The following OGDH variants were observed in gnomAD, a reference collection of about 807,000 sequenced individuals.
The protein encoded by OGDH is oxoglutarate dehydrogenase.
A neutral mutation model predicts 116.6 loss-of-function variants in OGDH; 38 were observed. The observed-to-expected ratio is 0.33, with a 90% CI of 0.25 to 0.43. The LOEUF (loss-of-function observed/expected upper bound fraction) is 0.43. Ranked by LOEUF, OGDH falls within the 20% of genes least tolerant of loss-of-function variation. The probability of loss-of-function intolerance (pLI) is 1.00; values close to 1 mark genes in which losing one functional copy is unlikely to be tolerated. For missense variants in OGDH, 825 were observed against 1,357.2 expected (o/e 0.61, Z 6.16); for synonymous variants, 488 against 533.3 (o/e 0.92, Z 1.17).
intron 1 of OGDH, among the ~76,000 whole-genome samples, chr7:44,614,533 G>A (rs1784695799): frequency 6.6e-6 from 1 of 151,910 alleles, no homozygotes; most frequent in Non-Finnish European, 1.5e-5. Context: ...CTGAGGCCTT[G>A]TTCTGTCTTC....
At position 44,697,650 on chromosome 7, in the gene OGDH, C is replaced by T. The variant is rs1235589142; in HGVS notation, c.2226C>T (p.Leu742=). The change falls in exon 17 of 23, where the codon CTC becomes CTT. Residue 742 remains leucine (L), a synonymous_variant. Transcript: ENST00000222673. This position sits in a 1 kb window ranked among gnomAD's most constrained non-coding sequence, Gnocchi z 6.0. The part of the protein sequence containing the change: ...FAMASPNALV[L]WEAQFGDFHN... ...TGGCCAGTCCTAATGCCCTGGTCCT[C>T]TGGGAAGCCCAATTTGGTGACTTCC... The T allele has an allele frequency of 1.9e-6, 3 of 1,614,156 alleles. No homozygotes were observed. Among genetic ancestry groups the T allele is most frequent in the East Asian group, 4.5e-5 (2 of 44,900 alleles).
rs920245035 is a variant in OGDH at position 44,674,042 on chromosome 7, AG to A, written c.788+106del. ...TGTGCAGCCTGTTGGCCGAGGTGAG[AG>A]GGGGTTTGGGGTGGTACAGGCAAAG... On this transcript the variant is annotated intron_variant, in intron 6 of 22. Transcript: ENST00000222673. 3 of 1,407,572 alleles carry A rather than the reference AG, an allele frequency of 2.1e-6. No homozygotes were observed. The African/African-American group carries it at 4.3e-5, about 20-fold the overall frequency. 87.2% of individuals were successfully genotyped at this position (1,407,572 alleles called of 1,614,324 possible). A position where few individuals can be genotyped will look rare whatever the true frequency, so the allele number is the denominator to read the frequency against.
intron 10 of OGDH, among the ~76,000 whole-genome samples, chr7:44,686,121 C>G (rs563673340): frequency 6.7e-6 from 1 of 150,120 alleles, no homozygotes; most frequent in South Asian, 2.1e-4. Context: ...TCCTTCCTTT[C>G]CAATCCACAT....
chr7:44,619,871 A>C (rs541173210), intron 1 of OGDH, among the ~76,000 whole-genome samples: 4 of 152,034 alleles, frequency 2.6e-5, no homozygotes, highest in Admixed American at 2.0e-4. Flanking sequence ...CAAATCCTTT[A>C]CCTATTTTTT....
intron 9 of OGDH, among the ~76,000 whole-genome samples, chr7:44,678,815 C>G (rs1787807335): frequency 6.6e-6 from 1 of 152,206 alleles, no homozygotes; most frequent in Non-Finnish European, 1.5e-5. Context: ...TCCAGAAACT[C>G]AGGGAGCTGG....
intron 2 of OGDH, among the ~76,000 whole-genome samples, chr7:44,631,185 A>G (rs1260029303): frequency 6.6e-6 from 1 of 152,224 alleles, no homozygotes; most frequent in Non-Finnish European, 1.5e-5. Context: ...GTTTGGTTGA[A>G]TCCATGGATG....
rs539113250 is a variant in OGDH at position 44,694,326 on chromosome 7, G to A, written c.1516-98G>A. ...AGGGCAGGCATGAGGAATGAAGAAC[G>A]TGGCCATCACCTAGGAGAGATGGGG... On this transcript the variant is annotated intron_variant, in intron 11 of 22. Coordinates refer to ENST00000222673, the MANE Select transcript of OGDH (RefSeq NM_002541.4). This position sits in a 1 kb window ranked among gnomAD's most constrained non-coding sequence, Gnocchi z 4.2. The A allele has an allele frequency of 5.0e-5, 72 of 1,429,348 alleles. No individual in the cohort carries two copies. In the East Asian group the frequency reaches 1.4e-3, roughly 28 times the overall value. 88.5% of individuals were successfully genotyped at this position (1,429,348 alleles called of 1,614,324 possible).
At chr7:44,696,610 A>G in intron 14 of OGDH, 53 bp downstream of exon 14, 1 of 1,608,772 alleles carries the variant, frequency 6.2e-7, no homozygotes, top group Non-Finnish European at 8.5e-7. Context: ...GCCAGGGGCG[A>G]CGACTGTCTA....
chr7:44,669,256 A>G (rs544716775), intron 5 of OGDH, among the ~76,000 whole-genome samples: 4 of 149,706 alleles, frequency 2.7e-5, no homozygotes, highest in South Asian at 4.2e-4. Context: ...GGATTAACCA[A>G]TCCCCCTACT....
intron 2 of OGDH, among the ~76,000 whole-genome samples, chr7:44,630,463 A>G (rs1785390643): frequency 6.6e-6 from 1 of 152,234 alleles, no homozygotes; most frequent in South Asian, 2.1e-4. Flanking sequence ...ATAATTCACA[A>G]GGCACTTTAG....
intron 4 of OGDH, among the ~76,000 whole-genome samples, chr7:44,656,905 A>G (rs1786715510): frequency 1.3e-5 from 2 of 152,248 alleles, no homozygotes; most frequent in Non-Finnish European, 2.9e-5. Flanking sequence ...TGAGGAATCC[A>G]GAGTCGAAAT....
intron 5 of OGDH, among the ~76,000 whole-genome samples, chr7:44,672,577 C>T (rs753917417): frequency 2.6e-5 from 4 of 151,448 alleles, no homozygotes; most frequent in East Asian, 1.9e-4. Context: ...CTGTGCAGGT[C>T]GAGTTTTGGG....
At chr7:44,607,386 C>T (rs1784395126) in intron 1 of OGDH, among the ~76,000 whole-genome samples, 1 of 152,168 alleles carries the variant, frequency 6.6e-6, no homozygotes, top group African/African-American at 2.4e-5. Context: ...GCCGCGCCCT[C>T]GCCCTGACCT....
Position 44,697,127 on chromosome 7 carries a change from G to A in OGDH, c.2051+63G>A. On this transcript the variant is annotated intron_variant, in intron 15 of 22. Coordinates refer to ENST00000222673, the MANE Select transcript of OGDH (RefSeq NM_002541.4). This position sits in a 1 kb window ranked among gnomAD's most constrained non-coding sequence, Gnocchi z 6.0. ...TAGAAGATGGAAAGGGAGGGGTTCT[G>A]GTGTTTCTTTTCCGGAAGACGGTTA... 6.4e-7 allele frequency: 1 copy of A among 1,572,520 alleles called. No individual in the cohort carries two copies. Among genetic ancestry groups the A allele is most frequent in the Non-Finnish European group, 8.7e-7 (1 of 1,153,894 alleles).
intron 4 of OGDH, among the ~76,000 whole-genome samples, chr7:44,654,454 C>T (rs80013941): frequency 0.042 from 6,400 of 152,208 alleles, 173 homozygotes; most frequent in East Asian, 0.088. Flanking sequence ...CAGGGCTCTC[C>T]GGTTTGTTCC....
chr7:44,652,730 C>T (rs575642807), intron 4 of OGDH, among the ~76,000 whole-genome samples: 4 of 152,182 alleles, frequency 2.6e-5, no homozygotes, highest in Admixed American at 2.0e-4. Flanking sequence ...TTTCTCTTCA[C>T]TCACATTCCA....
intron 1 of OGDH, among the ~76,000 whole-genome samples, chr7:44,616,655 A>ATATATACG (rs1265088274): frequency 6.7e-6 from 1 of 148,558 alleles, no homozygotes; most frequent in African/African-American, 2.5e-5. Flanking sequence ...ATATACACAT[A>ATATATACG]TATATACGTA....
At chr7:44,683,505 G>A (rs1206512422) in intron 10 of OGDH, among the ~76,000 whole-genome samples, 1 of 152,128 alleles carries the variant, frequency 6.6e-6, no homozygotes, top group Non-Finnish European at 1.5e-5. Flanking sequence ...CACTGGGATT[G>A]TAGGTGTGAT....
chr7:44,684,916 T>C (rs1256938966), intron 10 of OGDH, among the ~76,000 whole-genome samples: 1 of 152,028 alleles, frequency 6.6e-6, no homozygotes, highest in Non-Finnish European at 1.5e-5. Flanking sequence ...GTCTCCCAAG[T>C]AGCTGGGATT....
Sources: allele counts gnomAD v4.1 joint callset (sites outside exome capture counted in the v4.1 genomes callset), GRCh38; gene constraint gnomAD v4.1.1; non-coding constraint Gnocchi (gnomAD v3.1); transcripts MANE v1.5; gene names NCBI Gene and HGNC (gene_info 2026-07-23, HGNC 2026-07-21).